The following TMEM87B variants were observed in gnomAD, a reference collection of about 807,000 sequenced individuals.
The protein encoded by TMEM87B is transmembrane protein 87B.
In TMEM87B, 83 loss-of-function variants were observed where a neutral mutation model predicts 80.3. The ratio of observed to expected loss-of-function variants is 1.03; its 90% confidence interval spans 0.87 to 1.24. TMEM87B has a LOEUF of 1.24. TMEM87B is among the 50% of genes most tolerant of loss of function. TMEM87B has a pLI of 0.00. For synonymous variants in TMEM87B, 219 were observed against 230.5 expected (o/e 0.95, Z 0.45); for missense variants, 625 against 674.4 (o/e 0.93, Z 0.81).
chr2:112,069,219 A>AAC (rs1678549430), intron 4 of TMEM87B, among the ~76,000 whole-genome samples: 1 of 151,768 alleles, frequency 6.6e-6, no homozygotes, highest in Non-Finnish European at 1.5e-5. Context: ...AAAAAAAAAA[A>AAC]AACTCATGTC....
chr2:112,095,627 G>C (rs534353041), intron 11 of TMEM87B: 2 of 357,458 alleles, frequency 5.6e-6, no homozygotes, highest in East Asian at 3.3e-4. Flanking sequence ...ACCTGAATTG[G>C]TTGTATTGTA....
chr2:112,055,456 C>T lies in TMEM87B; in HGVS notation c.-136C>T, dbSNP rs1678011534. On this transcript the variant is annotated 5_prime_UTR_variant, in exon 1 of 19. Coordinates refer to ENST00000283206, the MANE Select transcript of TMEM87B (RefSeq NM_032824.3). ...CTGCACGGCGCCTCTCCGCCCAGGC[C>T]CAAGCGCGAGCCCCTCCTCCACACC... 5 of 1,075,002 alleles carry T rather than the reference C, an allele frequency of 4.7e-6. No individual in the cohort carries two copies. Among genetic ancestry groups the T allele is most frequent in the Non-Finnish European group, 6.3e-6 (5 of 797,544 alleles). The allele number at this position is 1,075,002 out of a possible 1,614,324, so 66.6% of individuals were successfully genotyped here. A position where few individuals can be genotyped will look rare whatever the true frequency, so the allele number is the denominator to read the frequency against.
rs578149264 is a variant in TMEM87B, at chr2:112,058,832, G to A, written c.166-1145G>A. Among the ~76,000 whole-genome samples the A allele has an allele frequency of 1.3e-5, 2 of 152,324 alleles. 1 individual carries two copies. Among genetic ancestry groups the A allele is most frequent in the Admixed American group, 1.3e-4 (2 of 15,292 alleles). ...AGAGGAAGAACTAAATTTGATAAAT[G>A]TTTGTGAGATAAAGTAGGCATGCCT... On this transcript the variant is annotated intron_variant, in intron 1 of 18. Coordinates refer to ENST00000283206, the MANE Select transcript of TMEM87B (RefSeq NM_032824.3).
intron 3 of TMEM87B, among the ~76,000 whole-genome samples, chr2:112,064,625 C>T (rs1312619581): frequency 1.3e-5 from 2 of 152,076 alleles, no homozygotes; most frequent in Non-Finnish European, 2.9e-5. Context: ...ACAAGTAGAT[C>T]GCAGAAAGAG....
Position 112,055,741 on chromosome 2 carries a change from A to G in TMEM87B, c.150A>G (p.Leu50=), listed in dbSNP as rs945579051. ...CGGTCCCTGAGCTCGGGCTCTGGTT[A>G]GAGACAGTCAACGACGTAAGTGGAG... ...VRAVPELGLW[L]ETVNDKSGPL... is the part of the protein sequence containing the mutation. The change falls in exon 1 of 19, where the codon TTA becomes TTG. Residue 50 remains leucine (L), a synonymous_variant. Transcript: ENST00000283206. The G allele has an allele frequency of 1.3e-6, 2 of 1,498,874 alleles. No homozygotes were observed. The highest frequency in any genetic ancestry group is 2.9e-5 in the African/African-American group (2 of 68,190). The allele number at this position is 1,498,874 out of a possible 1,614,324, so 92.8% of individuals were successfully genotyped here.
intron 1 of TMEM87B, among the ~76,000 whole-genome samples, 163 bp downstream of exon 1, chr2:112,055,919 G>GTTACAAA (rs1311464933): frequency 6.0e-4 from 91 of 152,274 alleles, no homozygotes; most frequent in Non-Finnish European, 9.3e-4. Flanking sequence ...GGGGAGCGGG[G>GTTACAAA]AGCGGCCCCT....
chr2:112,059,886 T>C (rs1678191862), intron 1 of TMEM87B, 91 bp from the exon 2 acceptor site: 2 of 1,450,024 alleles, frequency 1.4e-6, no homozygotes, highest in Admixed American at 4.7e-5. Context: ...GAGAGAGGAG[T>C]GCAAGGCTTA....
At position 112,066,999 on chromosome 2, in the gene TMEM87B, A is replaced by T. The variant is rs757573780; in HGVS notation, c.382A>T (p.Asn128Tyr). 3 of 1,612,270 alleles carry T rather than the reference A, an allele frequency of 1.9e-6. No individual in the cohort carries two copies. The highest frequency in any genetic ancestry group is 1.7e-4 in the Middle Eastern group (1 of 6,058). ...CTTTTGTCATTATTTGAAGAATGACAACTGTTGGACAACAAAAAATGAAAA... is the reference window on the plus strand; with the variant it reads ...CTTTTGTCATTATTTGAAGAATGACTACTGTTGGACAACAAAAAATGAAAA... ...EDFCHYLKNDNCWTTKNENLD... is the reference protein window; with the variant it reads ...EDFCHYLKNDYCWTTKNENLD... Residue 128 changes from asparagine to tyrosine, a missense_variant, in exon 4 of 19, where the codon AAC becomes TAC. By Grantham distance (143) the Asn-to-Tyr change is moderately radical (BLOSUM62 -2). Transcript: ENST00000283206.
intron 2 of TMEM87B, 61 bp downstream of exon 2, chr2:112,060,098 G>T: frequency 7.2e-7 from 1 of 1,397,016 alleles, no homozygotes; most frequent in Admixed American, 2.7e-5. Context: ...CTGTAATCCC[G>T]GCACTTTGGG....
intron 3 of TMEM87B, among the ~76,000 whole-genome samples, chr2:112,064,986 T>C (rs1678376138): frequency 6.6e-6 from 1 of 152,118 alleles, no homozygotes. Context: ...ACATATGAGA[T>C]CTCTCTCTGT....
At chr2:112,098,767 T>C (rs1200063887) in intron 14 of TMEM87B, 69 bp downstream of exon 14, 5 of 1,441,192 alleles carry the variant, frequency 3.5e-6, no homozygotes, top group Non-Finnish European at 4.9e-6. Flanking sequence ...CAAGAACACG[T>C]TTATAGAAAC....
At chr2:112,056,956 A>G (rs1347447142) in intron 1 of TMEM87B, among the ~76,000 whole-genome samples, 2 of 152,230 alleles carry the variant, frequency 1.3e-5, no homozygotes, top group Middle Eastern at 3.2e-3. Context: ...CTATATTGGA[A>G]GTGAATCAGT....
In TMEM87B at chr2:112,066,926, C is replaced by G; in HGVS notation, c.319-10C>G. On this transcript the variant is annotated splice_polypyrimidine_tract_variant and intron_variant, in intron 3 of 18. Coordinates refer to ENST00000283206, the MANE Select transcript of TMEM87B (RefSeq NM_032824.3). ...GAATAAATTATAACATAGAATTTTA[C>G]CTTATATAGGAGCTGTTCCAAAAAC... The G allele has an allele frequency of 6.4e-7, 1 of 1,566,690 alleles. No individual in the cohort carries two copies. The highest frequency in any genetic ancestry group is 8.6e-7 in the Non-Finnish European group (1 of 1,162,032).
chr2:112,090,261 A>C (rs1016805371), intron 10 of TMEM87B, among the ~76,000 whole-genome samples: 1 of 152,238 alleles, frequency 6.6e-6, no homozygotes, highest in Non-Finnish European at 1.5e-5. Flanking sequence ...TGTGGGCAGC[A>C]GCACTTTATT....
intron 2 of TMEM87B, among the ~76,000 whole-genome samples, chr2:112,060,996 A>C (rs542738168): frequency 6.6e-6 from 1 of 152,344 alleles, no homozygotes; most frequent in East Asian, 1.9e-4. Context: ...TGCTTTTACG[A>C]ATATATGAAA....
chr2:112,087,002 C>CT (rs1679164503), intron 9 of TMEM87B, among the ~76,000 whole-genome samples: 1 of 152,192 alleles, frequency 6.6e-6, no homozygotes, highest in African/African-American at 2.4e-5. Context: ...TTTCCTGTTA[C>CT]TTTCTTTAAC....
At chr2:112,059,603 G>T (rs1227730222) in intron 1 of TMEM87B, among the ~76,000 whole-genome samples, 1 of 152,192 alleles carries the variant, frequency 6.6e-6, no homozygotes, top group Admixed American at 6.5e-5. Context: ...ACGACTTGGA[G>T]CTGGGAGAGG....
intron 6 of TMEM87B, 147 bp from the exon 7 acceptor site, chr2:112,080,910 A>T: frequency 1.5e-6 from 1 of 649,468 alleles, no homozygotes; most frequent in Non-Finnish European, 2.7e-6. Flanking sequence ...TCAAACAAAT[A>T]CTAATTGTCC....
chr2:112,111,501 G>A (rs1404966426), intron 17 of TMEM87B, among the ~76,000 whole-genome samples: 1 of 152,176 alleles, frequency 6.6e-6, no homozygotes, highest in South Asian at 2.1e-4. Flanking sequence ...AACCATTTAT[G>A]TGAAATGAGT....
Sources: allele counts gnomAD v4.1 joint callset (sites outside exome capture counted in the v4.1 genomes callset), GRCh38; gene constraint gnomAD v4.1.1; transcripts MANE v1.5; gene names NCBI Gene and HGNC (gene_info 2026-07-23, HGNC 2026-07-21).